Variants in CTC1 observed in about 807,000 individuals in gnomAD.
The protein encoded by CTC1 is CST telomere replication complex component 1.
Under a neutral mutation model 136.3 loss-of-function variants are expected in CTC1, and 91 were observed. That is an observed-to-expected ratio of 0.67 (90% confidence interval 0.56 to 0.79). The LOEUF is 0.79. Ranked by LOEUF, CTC1 falls within the 30% of genes least tolerant of loss-of-function variation. The probability of loss-of-function intolerance (pLI) is 0.00; values close to 1 mark genes in which losing one functional copy is unlikely to be tolerated. For missense variants in CTC1, 1,432 were observed against 1,498.1 expected, an observed-to-expected ratio of 0.96 and a Z score of 0.73; for synonymous variants, 606 against 613.8, an observed-to-expected ratio of 0.99 and a Z score of 0.19.
chr17:8,240,819 T>A (rs936770642), intron 2 of CTC1, among the ~76,000 whole-genome samples: 2 of 151,888 alleles, frequency 1.3e-5, no homozygotes, highest in African/African-American at 4.8e-5. Context: ...GAGGTTGCAG[T>A]GAGCAGAGAT....
At chr17:8,229,615 T>C (rs1009875451) in intron 18 of CTC1, among the ~76,000 whole-genome samples, 169 bp from the exon 19 acceptor site, 9 of 152,212 alleles carry the variant, frequency 5.9e-5, no homozygotes, top group African/African-American at 2.2e-4. Context: ...CTGATAGTCA[T>C]TGGTTATTTT....
chr17:8,246,243 G>C (rs1370799575), intron 1 of CTC1, among the ~76,000 whole-genome samples: 1 of 150,510 alleles, frequency 6.6e-6, no homozygotes, highest in Non-Finnish European at 1.5e-5. Flanking sequence ...GGGAGGAAGA[G>C]GAAGATCCAG....
intron 17 of CTC1, 64 bp from the exon 18 acceptor site, chr17:8,230,032 A>T (rs1228066028): frequency 1.3e-6 from 2 of 1,485,560 alleles, no homozygotes; most frequent in African/African-American, 1.4e-5. Flanking sequence ...AGAAGCTGGG[A>T]CTCAGAGATC....
chr17:8,235,051 A>C lies in CTC1; in HGVS notation c.1439+2T>G. ...CCCGCCCTGGGCCCTCAGCCTCCTC[A>C]CTTGCAGGCCAGCTCCTCCAGGGCC... On this transcript the variant is annotated splice_donor_variant, in intron 8 of 22. Coordinates refer to ENST00000651323, the MANE Select transcript of CTC1 (RefSeq NM_025099.6). LOFTEE classifies it high-confidence loss of function. 6.2e-7 allele frequency: 1 copy of C among 1,613,610 alleles called. No individual in the cohort carries two copies. The highest frequency in any genetic ancestry group is 8.5e-7 in the Non-Finnish European group (1 of 1,179,698).
At chr17:8,246,087 T>A (rs1331940580) in intron 1 of CTC1, among the ~76,000 whole-genome samples, 3 of 151,632 alleles carry the variant, frequency 2.0e-5, no homozygotes, top group Non-Finnish European at 4.4e-5. Context: ...ACGCCAGTAG[T>A]CCCAGCTACT....
rs1298853468 is a variant in CTC1, at chr17:8,245,267, TGCGCAC to T, written c.34-2125_34-2120del. On this transcript the variant is annotated intron_variant, in intron 1 of 22. Coordinates refer to ENST00000651323, the MANE Select transcript of CTC1 (RefSeq NM_025099.6). ...CATGAGGTTACCTACATAATAAACC[TGCGCAC>T]GTCCCCCTGAATCTAAAATAAAAGT... Among the ~76,000 whole-genome samples, 11 of 152,168 alleles carry T rather than the reference TGCGCAC, an allele frequency of 7.2e-5. No individual in the cohort carries two copies. In the Middle Eastern group the frequency reaches 0.02, roughly 282 times the overall value.
Position 8,231,741 on chromosome 17 carries a change from T to G in CTC1, c.2460A>C (p.Ile820=), listed in dbSNP as rs774860248. 1 of 1,613,976 alleles carries G rather than the reference T, an allele frequency of 6.2e-7. No individual in the cohort carries two copies. Among genetic ancestry groups the G allele is most frequent in the Admixed American group, 1.7e-5 (1 of 60,012 alleles). Residue 820 remains isoleucine (I), a synonymous_variant, in exon 14 of 23, where the codon ATA becomes ATC. Coordinates refer to ENST00000651323, the MANE Select transcript of CTC1 (RefSeq NM_025099.6). Reference sequence around the variant, plus strand: ...GGACACTCACAGCGGGGCCAGGAGCTATGAGTCGGTACACCTGTCCCGGGT... The same window carrying G: ...GGACACTCACAGCGGGGCCAGGAGCGATGAGTCGGTACACCTGTCCCGGGT... The part of the protein sequence containing the change: ...FLHPGQVYRL[I]APGPATPMLF...
chr17:8,229,566 T>A, intron 18 of CTC1, 120 bp from the exon 19 acceptor site: 1 of 796,368 alleles, frequency 1.3e-6, no homozygotes, highest in Non-Finnish European at 2.0e-6. Flanking sequence ...AGCAGTGGGT[T>A]CCATGCGCTC....
intron 10 of CTC1, 85 bp from the exon 11 acceptor site, chr17:8,233,117 G>T: frequency 1.1e-4 from 154 of 1,406,124 alleles, no homozygotes; most frequent in East Asian, 2.8e-4. Flanking sequence ...GTATTACATG[G>T]TAAAGCTACA....
At chr17:8,243,395 T>A (rs191668318) in intron 1 of CTC1, among the ~76,000 whole-genome samples, 27 of 152,046 alleles carry the variant, frequency 1.8e-4, no homozygotes, top group Admixed American at 1.1e-3. Context: ...GGTGCACACC[T>A]ATAATTCCAG....
rs1986773679 is a variant in CTC1, at chr17:8,227,048, A to C, written c.*1132T>G. 2 of 151,234 alleles carry C rather than the reference A, an allele frequency of 1.3e-5. No homozygotes were observed. The highest frequency in any genetic ancestry group is 5.0e-5 in the African/African-American group (2 of 40,238). 9.4% of individuals were successfully genotyped at this position (151,234 alleles called of 1,614,324 possible). ...GCGTTATTAGCACCACGCTCTAACC[A>C]ACTGAGCTAACCGGCCACTAACTTT... On this transcript the variant is annotated 3_prime_UTR_variant, in exon 23 of 23. Transcript: ENST00000651323.
chr17:8,232,344 G>T lies in CTC1; in HGVS notation c.2060+17C>A. 1 of 1,608,992 alleles carries T rather than the reference G, an allele frequency of 6.2e-7. No homozygotes were observed. The highest frequency in any genetic ancestry group is 1.1e-5 in the South Asian group (1 of 90,690). On this transcript the variant is annotated intron_variant, in intron 12 of 22. Transcript: ENST00000651323. ...TTCCCCCCAGACTCAAGACAACCAT[G>T]ACCCCAAGGAGCCAACCTGGCCTGC... is the stretch of plus-strand genomic sequence containing the variant.
At chr17:8,231,154 C>T in intron 15 of CTC1, 122 bp downstream of exon 15, 1 of 854,298 alleles carries the variant, frequency 1.2e-6, no homozygotes, top group Non-Finnish European at 1.8e-6. Flanking sequence ...AAAAAACAAA[C>T]AAAAACAACA....
In CTC1 at chr17:8,237,465, A is replaced by T; in HGVS notation, c.702T>A (p.Ser234Arg). Residue 234 changes from serine (S) to arginine (R), a missense_variant, in exon 5 of 23, where the codon AGT becomes AGA. Coordinates refer to ENST00000651323, the MANE Select transcript of CTC1 (RefSeq NM_025099.6). ...RNLAGSLVRL[S>R]ALVKSKQKAY... ...CTTTCTGTTTACTTTTCACCAGAGC[A>T]CTCAATCGAACTAGACTCCCAGCCA... 1 of 1,613,922 alleles carries T rather than the reference A, an allele frequency of 6.2e-7. No homozygotes were observed. The highest frequency in any genetic ancestry group is 8.5e-7 in the Non-Finnish European group (1 of 1,179,972).
Position 8,235,175 on chromosome 17 carries a change from A to G in CTC1, c.1317T>C (p.Pro439=). 4 of 1,614,172 alleles carry G rather than the reference A, an allele frequency of 2.5e-6. No homozygotes were observed. The highest frequency in any genetic ancestry group is 3.4e-6 in the Non-Finnish European group (4 of 1,180,026). The stretch of plus-strand genomic sequence containing the variant: ...AGGCTTGACGGGATGAGTGAGCCCC[A>G]GGCTTCTGACGAGAGAAGCTTTGAA... ...VLLQSFSRQK[P]GAHSSRQAYG... Residue 439 remains proline (P), a synonymous_variant, in exon 8 of 23, where the codon CCT becomes CCC. Coordinates refer to ENST00000651323, the MANE Select transcript of CTC1 (RefSeq NM_025099.6).
Position 8,237,418 on chromosome 17 carries a change from C to T in CTC1, c.749G>A (p.Gly250Asp). The T allele has an allele frequency of 6.2e-7, 1 of 1,614,042 alleles. No homozygotes were observed. Among genetic ancestry groups the T allele is most frequent in the Non-Finnish European group, 8.5e-7 (1 of 1,180,004 alleles). ...GTGGGTGACAGCTGGGTGTGATCTA[C>T]CAAGAGACAGGATGAAGTAAGCTTT... ...KQKAYFILSL[G>D]RSHPAVTHVS... The change falls in exon 5 of 23, where the codon GGT (glycine) becomes GAT (aspartate). Residue 250 changes from glycine to aspartate, a missense_variant. Transcript: ENST00000651323.
intron 12 of CTC1, 32 bp downstream of exon 12, chr17:8,232,329 A>G: frequency 1.2e-6 from 2 of 1,601,016 alleles, no homozygotes; most frequent in Non-Finnish European, 1.7e-6. Context: ...TTCCCCCCAG[A>G]CTCAAGACAA....
chr17:8,246,347 G>A (rs185976353), intron 1 of CTC1, among the ~76,000 whole-genome samples: 1 of 151,982 alleles, frequency 6.6e-6, no homozygotes, highest in African/African-American at 2.4e-5. Context: ...GATGATGATT[G>A]TTCCTGTATG....
At position 8,232,048 on chromosome 17, in the gene CTC1, C is replaced by A; in HGVS notation, c.2240G>T (p.Cys747Phe). The change falls in exon 13 of 23, where the codon TGT (cysteine) becomes TTT (phenylalanine). Residue 747 changes from cysteine (C) to phenylalanine (F), a missense_variant. Transcript: ENST00000651323. ...CTCTGGACTTGCTCCTGGGGGGACACAAAAATTACGCTTCATGAGGGCCTC... is the reference window on the plus strand; with the variant it reads ...CTCTGGACTTGCTCCTGGGGGGACAAAAAAATTACGCTTCATGAGGGCCTC... Reference protein sequence around the residue: ...HKEALMKRNFCVPPGASPEVP... With the variant: ...HKEALMKRNFFVPPGASPEVP... 6.4e-7 allele frequency: 1 copy of A among 1,573,248 alleles called. No individual in the cohort carries two copies. Among genetic ancestry groups the A allele is most frequent in the Non-Finnish European group, 8.6e-7 (1 of 1,164,508 alleles).
Sources: allele counts gnomAD v4.1 joint callset (sites outside exome capture counted in the v4.1 genomes callset), GRCh38; gene constraint gnomAD v4.1.1; transcripts MANE v1.5; gene names NCBI Gene and HGNC (gene_info 2026-07-23, HGNC 2026-07-21).